The following PIP4K2A variants were observed in gnomAD, a reference collection of about 807,000 sequenced individuals.
PIP4K2A encodes the protein phosphatidylinositol-5-phosphate 4-kinase type 2 alpha, also known as phosphatidylinositol 5-phosphate 4-kinase type-2 alpha.
A neutral mutation model predicts 42.9 loss-of-function variants in PIP4K2A; 14 were observed. The observed-to-expected ratio is 0.33, with a 90% CI of 0.22 to 0.51. The LOEUF is 0.51. Ranked by LOEUF, PIP4K2A falls within the 20% of genes least tolerant of loss-of-function variation. The pLI is 0.97. For missense variants in PIP4K2A, 434 were observed against 519.8 expected, an observed-to-expected ratio of 0.83 and a Z score of 1.61; for synonymous variants, 192 against 192.2, an observed-to-expected ratio of 1.00 and a Z score of 0.01.
At chr10:22,541,743 A>G (rs1332204597) in intron 8 of PIP4K2A, 61 bp downstream of exon 8, 4 of 1,489,694 alleles carry the variant, frequency 2.7e-6, no homozygotes, top group East Asian at 2.4e-5. Context: ...TTACTGGTAG[A>G]TAACAAGGCC....
At chr10:22,539,846 AAG>A (rs1836045186) in intron 9 of PIP4K2A, 123 bp downstream of exon 9, 1 of 723,810 alleles carries the variant, frequency 1.4e-6, no homozygotes, top group South Asian at 1.5e-5. Context: ...CAGTGGCAGA[AAG>A]GAGTGATCCC....
At chr10:22,707,360 C>T (rs754211735) in intron 1 of PIP4K2A, among the ~76,000 whole-genome samples, 1 of 152,152 alleles carries the variant, frequency 6.6e-6, no homozygotes, top group Non-Finnish European at 1.5e-5. Context: ...AGCTGAAAAA[C>T]TATAAAGATT....
chr10:22,589,936 C>A (rs1023013755), intron 4 of PIP4K2A, among the ~76,000 whole-genome samples: 2 of 152,186 alleles, frequency 1.3e-5, no homozygotes, highest in Non-Finnish European at 2.9e-5. Flanking sequence ...CCCCAAAATG[C>A]TTACGTTGAA....
chr10:22,670,892 T>C (rs1839436642), intron 1 of PIP4K2A, among the ~76,000 whole-genome samples: 1 of 152,190 alleles, frequency 6.6e-6, no homozygotes, highest in Non-Finnish European at 1.5e-5. Context: ...ATAATTTGAT[T>C]GCAATTATAG....
chr10:22,670,392 C>T (rs766589709), intron 1 of PIP4K2A, among the ~76,000 whole-genome samples: 2 of 152,048 alleles, frequency 1.3e-5, no homozygotes, highest in African/African-American at 4.8e-5. Context: ...AGTATGATAG[C>T]CAACACACTC....
rs184145576 is a variant in PIP4K2A, at chr10:22,579,919, A to G, written c.493-6462T>C. On this transcript the variant is annotated intron_variant, in intron 4 of 9. Transcript: ENST00000376573. ...ACGAGACTTCGTCTGAGAAGAAAAA[A>G]AAGAAAAAAGAAAAAAGAAAAAAAA... Among the ~76,000 whole-genome samples the G allele has an allele frequency of 8.6e-4, 130 of 150,686 alleles. 5 individuals are homozygous for G. The highest frequency in any genetic ancestry group is 2.8e-3 in the African/African-American group (115 of 40,966).
chr10:22,645,217 C>G (rs576038694), intron 1 of PIP4K2A, among the ~76,000 whole-genome samples: 2 of 152,128 alleles, frequency 1.3e-5, no homozygotes, highest in African/African-American at 2.4e-5. Flanking sequence ...TTAATGCTCA[C>G]GTATAACACC....
chr10:22,571,484 C>T (rs1836986904), intron 5 of PIP4K2A, among the ~76,000 whole-genome samples: 1 of 152,208 alleles, frequency 6.6e-6, no homozygotes, highest in Admixed American at 6.5e-5. Flanking sequence ...CTTTTTGATA[C>T]TGTATAATGA....
intron 1 of PIP4K2A, among the ~76,000 whole-genome samples, chr10:22,664,441 T>A (rs1839311006): frequency 6.6e-6 from 1 of 151,036 alleles, no homozygotes; most frequent in Non-Finnish European, 1.5e-5. Context: ...TTTTTTTAAT[T>A]CCATTTTCTA....
intron 3 of PIP4K2A, among the ~76,000 whole-genome samples, chr10:22,605,826 T>C (rs1172285781): frequency 7.2e-6 from 1 of 139,282 alleles, no homozygotes; most frequent in Non-Finnish European, 1.5e-5. Context: ...ACTGAAGCTA[T>C]CTGCTGTTAA....
chr10:22,557,749 C>T (rs1172276031), intron 6 of PIP4K2A, among the ~76,000 whole-genome samples: 1 of 152,168 alleles, frequency 6.6e-6, no homozygotes, highest in African/African-American at 2.4e-5. Flanking sequence ...TCATTCTAAA[C>T]TTTAATTATA....
intron 4 of PIP4K2A, among the ~76,000 whole-genome samples, chr10:22,575,502 T>C (rs1418109491): frequency 1.3e-5 from 2 of 152,228 alleles, no homozygotes; most frequent in African/African-American, 4.8e-5. Context: ...GCTACAAATA[T>C]GGTCAAGAAA....
chr10:22,555,932 A>G (rs535405434), intron 6 of PIP4K2A, among the ~76,000 whole-genome samples: 2 of 151,622 alleles, frequency 1.3e-5, no homozygotes, highest in African/African-American at 2.4e-5. Context: ...AAATCTCATC[A>G]TGTTTTAAGA....
At chr10:22,714,046 T>G in intron 1 of PIP4K2A, 137 bp downstream of exon 1, 1 of 895,442 alleles carries the variant, frequency 1.1e-6, no homozygotes, top group Non-Finnish European at 1.6e-6. Flanking sequence ...GCTGGGGGCT[T>G]CGAGGCGGGC....
chr10:22,661,955 A>C (rs1839212989), intron 1 of PIP4K2A: 1 of 152,218 alleles, frequency 6.6e-6, no homozygotes, highest in African/African-American at 2.4e-5. Context: ...TGTGATGTGA[A>C]AGGAATTCTG....
intron 6 of PIP4K2A, among the ~76,000 whole-genome samples, chr10:22,550,974 A>C (rs1292209018): frequency 6.6e-6 from 1 of 152,196 alleles, no homozygotes; most frequent in African/African-American, 2.4e-5. Context: ...AATCTCTGGA[A>C]GCATTCGCAA....
rs188681285 is a variant in PIP4K2A at position 22,600,184 on chromosome 10, G to T, written c.339+7743C>A. ...TAATTCTCTTGAACTAATCACGTAA[G>T]TCTTGTATAATTTGTTTTTTTTTTC... On this transcript the variant is annotated intron_variant, in intron 3 of 9. Transcript: ENST00000376573. Among the ~76,000 whole-genome samples, 3 of 151,802 alleles carry T rather than the reference G, an allele frequency of 2.0e-5. No individual in the cohort carries two copies. In the East Asian group the frequency reaches 5.8e-4, roughly 29 times the overall value.
At position 22,561,841 on chromosome 10, in the gene PIP4K2A, C is replaced by T. The variant is rs1362118907; in HGVS notation, c.678+6010G>A. On this transcript the variant is annotated intron_variant, in intron 6 of 9. Coordinates refer to ENST00000376573, the MANE Select transcript of PIP4K2A (RefSeq NM_005028.5). ...CAGCCTCCCTAAAGTGCTGGGATTA[C>T]AGGCGTGAGCCACCATGCCCAGCCC... Among the ~76,000 whole-genome samples, 4 of 152,116 alleles carry T rather than the reference C, an allele frequency of 2.6e-5. No individual in the cohort carries two copies. In the East Asian group the frequency reaches 7.7e-4, roughly 29 times the overall value.
In PIP4K2A at chr10:22,541,821, C is replaced by A; in HGVS notation, c.1019G>T (p.Gly340Val). Residue 340 changes from glycine (G) to valine (V), a missense_variant, in exon 8 of 10, where the codon GGA (glycine) becomes GTA (valine). Gly to Val is a moderately radical substitution (Grantham distance 109). Transcript: ENST00000376573. ...GEFDPNIDVY[G>V]IKCHENSPRK... Reference sequence around the variant, plus strand: ...AAACTTACTTTCATGGCACTTAATTCCATAGACGTCGATGTTCGGATCGAA... The same window carrying A: ...AAACTTACTTTCATGGCACTTAATTACATAGACGTCGATGTTCGGATCGAA... 1 of 1,558,330 alleles carries A rather than the reference C, an allele frequency of 6.4e-7. No homozygotes were observed. The highest frequency in any genetic ancestry group is 1.2e-5 in the South Asian group (1 of 80,858).
Sources: allele counts gnomAD v4.1 joint callset (sites outside exome capture counted in the v4.1 genomes callset), GRCh38; gene constraint gnomAD v4.1.1; transcripts MANE v1.5; gene names NCBI Gene and HGNC (gene_info 2026-07-23, HGNC 2026-07-21).